The following PTPRR variants were observed in gnomAD, a reference collection of about 807,000 sequenced individuals.
PTPRR encodes the protein protein tyrosine phosphatase receptor type R.
PTPRR carries 38 observed loss-of-function variants against 77.2 expected under a neutral mutation model. That is an observed-to-expected ratio of 0.49 (90% CI 0.38 to 0.65). PTPRR has a LOEUF of 0.65. PTPRR is among the 30% of genes least tolerant of loss of function. PTPRR has a pLI of 0.00. For missense variants in PTPRR, 744 were observed against 799.2 expected (o/e 0.93, Z 0.83); for synonymous variants, 299 against 283.1 (o/e 1.06, Z -0.57).
chr12:70,853,129 A>G (rs1266246976), intron 2 of PTPRR, among the ~76,000 whole-genome samples: 4 of 152,214 alleles, frequency 2.6e-5, no homozygotes, highest in Non-Finnish European at 4.4e-5. Flanking sequence ...AAAAGAGATT[A>G]TCATTATAAT....
At chr12:70,865,072 C>T (rs1892819655) in intron 2 of PTPRR, among the ~76,000 whole-genome samples, 1 of 152,110 alleles carries the variant, frequency 6.6e-6, no homozygotes, top group Non-Finnish European at 1.5e-5. Flanking sequence ...CTTGGCCTCC[C>T]AAAGTGCTGG....
At chr12:70,917,518 G>A (rs189586630) in intron 1 of PTPRR, among the ~76,000 whole-genome samples, 1 of 152,264 alleles carries the variant, frequency 6.6e-6, no homozygotes, top group Admixed American at 6.5e-5. Flanking sequence ...CATGGGTAGA[G>A]TAGTGTCCAG....
intron 6 of PTPRR, among the ~76,000 whole-genome samples, chr12:70,719,507 T>C (rs1165535340): frequency 1.3e-5 from 2 of 150,390 alleles, no homozygotes; most frequent in Non-Finnish European, 2.9e-5. Context: ...TCCTAACAAT[T>C]TCCTTTGTTA....
At chr12:70,823,892 A>T (rs1214302416) in intron 2 of PTPRR, among the ~76,000 whole-genome samples, 1 of 152,150 alleles carries the variant, frequency 6.6e-6, no homozygotes, top group Non-Finnish European at 1.5e-5. Flanking sequence ...GCCCTACTTC[A>T]ACTGTCTAAG....
At chr12:70,660,739 G>A (rs1291944894) in intron 12 of PTPRR, among the ~76,000 whole-genome samples, 1 of 152,168 alleles carries the variant, frequency 6.6e-6, no homozygotes, top group Non-Finnish European at 1.5e-5. Flanking sequence ...TGTTGTTTGT[G>A]AAAAATGACC....
chr12:70,711,308 T>C (rs1888820994), intron 6 of PTPRR, among the ~76,000 whole-genome samples: 1 of 152,016 alleles, frequency 6.6e-6, no homozygotes, highest in Non-Finnish European at 1.5e-5. Flanking sequence ...TCAAACACTG[T>C]ATATTCTCCC....
At chr12:70,824,801 T>C (rs1892081217) in intron 2 of PTPRR, among the ~76,000 whole-genome samples, 1 of 152,176 alleles carries the variant, frequency 6.6e-6, no homozygotes, top group Admixed American at 6.5e-5. Flanking sequence ...TCACCATTCC[T>C]TCGGGACTAA....
At chr12:70,808,798 C>T (rs1443884419) in intron 2 of PTPRR, among the ~76,000 whole-genome samples, 4 of 152,134 alleles carry the variant, frequency 2.6e-5, no homozygotes, top group Non-Finnish European at 5.9e-5. Context: ...CATTTTTACC[C>T]CTATTGCCTT....
Position 70,698,276 on chromosome 12 carries a change from G to A in PTPRR, c.1268C>T (p.Thr423Ile). The A allele has an allele frequency of 6.2e-7, 1 of 1,612,616 alleles. No homozygotes were observed. Among genetic ancestry groups the A allele is most frequent in the Non-Finnish European group, 8.5e-7 (1 of 1,179,110 alleles). ...PRHGTKNRYK[T>I]ILPNPLSRVC... ...ATCAAGAAGCTTACTTGGTAAAATG[G>A]TCTTATAGCGATTTTTAGTTCCATG... is the stretch of plus-strand genomic sequence containing the variant. The change falls in exon 8 of 14, where the codon ACC becomes ATC. Residue 423 changes from threonine to isoleucine, a missense_variant. This residue lies in a region of PTPRR where 570 missense variants were observed against 573.2 expected (regional missense o/e 0.99). Transcript: ENST00000283228.
At chr12:70,645,445 T>C (rs972470148) in intron 13 of PTPRR, among the ~76,000 whole-genome samples, 10 of 152,182 alleles carry the variant, frequency 6.6e-5, no homozygotes, top group African/African-American at 1.4e-4. Flanking sequence ...AGGGTAACCA[T>C]GTTTGGAAGA....
At chr12:70,746,174 C>A in intron 5 of PTPRR, 88 bp from the exon 6 acceptor site, 1 of 1,262,982 alleles carries the variant, frequency 7.9e-7, no homozygotes, top group Non-Finnish European at 1.1e-6. Flanking sequence ...GGCCGACAAA[C>A]CAAAATAAAG....
At chr12:70,841,635 C>T (rs757006066) in intron 2 of PTPRR, among the ~76,000 whole-genome samples, 2 of 152,102 alleles carry the variant, frequency 1.3e-5, no homozygotes, top group African/African-American at 4.8e-5. Context: ...CAAAAGTAAA[C>T]ATTAAGTCTG....
intron 2 of PTPRR, among the ~76,000 whole-genome samples, chr12:70,836,351 CTGCCTGGAAACGCCCTATT>C (rs1178047263): frequency 1.3e-5 from 2 of 151,366 alleles, no homozygotes; most frequent in Non-Finnish European, 2.9e-5. Flanking sequence ...CTTCATCTGC[CTGCCTGGAAACGCCCTATT>C]TTTCCTTTAA....
At chr12:70,804,281 T>A (rs955911005) in intron 2 of PTPRR, among the ~76,000 whole-genome samples, 3 of 151,952 alleles carry the variant, frequency 2.0e-5, no homozygotes, top group Non-Finnish European at 2.9e-5. Flanking sequence ...CTGGGCCGGG[T>A]GCAGTGGCTC....
intron 2 of PTPRR, among the ~76,000 whole-genome samples, chr12:70,843,595 T>C (rs1404504190): frequency 1.3e-5 from 2 of 152,202 alleles, no homozygotes; most frequent in South Asian, 2.1e-4. Flanking sequence ...CTAGTAAGAC[T>C]GTATGATTCT....
intron 6 of PTPRR, among the ~76,000 whole-genome samples, chr12:70,737,160 A>G (rs1385728781): frequency 1.3e-5 from 2 of 152,050 alleles, no homozygotes; most frequent in Non-Finnish European, 2.9e-5. Context: ...GAGGGTGCAG[A>G]GGCTCAGCCC....
Position 70,815,848 on chromosome 12 carries a change from C to T in PTPRR, c.358-51070G>A, listed in dbSNP as rs372474468. On this transcript the variant is annotated intron_variant, in intron 2 of 13. Coordinates refer to ENST00000283228, the MANE Select transcript of PTPRR (RefSeq NM_002849.4). ...TAAAAATGAAGAGCACCAACACTGG[C>T]CTCAGACAGCTGATAATCTAGTTAA... 2.7e-3 allele frequency among the ~76,000 whole-genome samples: 406 copies of T among 152,274 alleles called. 4 individuals carry two copies. The highest frequency in any genetic ancestry group is 9.4e-3 in the African/African-American group (389 of 41,572).
At chr12:70,723,396 C>T (rs1323482419) in intron 6 of PTPRR, among the ~76,000 whole-genome samples, 1 of 151,728 alleles carries the variant, frequency 6.6e-6, no homozygotes, top group African/African-American at 2.4e-5. Context: ...TCTAATTTTG[C>T]CACTTCTGGC....
At position 70,920,438 on chromosome 12, in the gene PTPRR, T is replaced by C. The variant is rs778662762; in HGVS notation, c.-48A>G. On this transcript the variant is annotated 5_prime_UTR_variant, in exon 1 of 14. Coordinates refer to ENST00000283228, the MANE Select transcript of PTPRR (RefSeq NM_002849.4). ...GGAGAAACTCCACCACGACCCCACT[T>C]CAGGTAAAGTGCTATTAGAAAGAGC... 1.6e-5 allele frequency: 25 copies of C among 1,565,058 alleles called. No individual in the cohort carries two copies. The highest frequency in any genetic ancestry group is 2.2e-5 in the Non-Finnish European group (25 of 1,140,210).
Sources: gnomAD v4.1 joint callset for allele counts (sites outside exome capture counted in the v4.1 genomes callset) on GRCh38, gnomAD v4.1.1 for gene constraint, gnomAD v4.1.1 regional missense constraint, MANE v1.5 for transcripts, NCBI Gene and HGNC (gene_info 2026-07-23, HGNC 2026-07-21) for gene names.